Variants in RBFOX1 observed in about 807,000 individuals in gnomAD.
RBFOX1 encodes the protein RNA binding fox-1 homolog 1, also known as RNA binding protein fox-1 homolog 1.
In RBFOX1, 8 loss-of-function variants were observed where a neutral mutation model predicts 57.7. The observed-to-expected ratio is 0.14, with a 90% confidence interval of 0.08 to 0.25. RBFOX1 has a LOEUF of 0.25. RBFOX1 is among the 10% of genes least tolerant of loss of function. The pLI is 1.00. For missense variants in RBFOX1, 611 were observed against 548.5 expected, an observed-to-expected ratio of 1.11 and a Z score of -1.14; for synonymous variants, 326 against 222.4, an observed-to-expected ratio of 1.47 and a Z score of -4.15.
chr16:6,848,654 G>A (rs1023033058), intron 3 of RBFOX1, among the ~76,000 whole-genome samples: 1 of 151,878 alleles, frequency 6.6e-6, no homozygotes, highest in Non-Finnish European at 1.5e-5. Context: ...GGAAAGGAGG[G>A]AGGGAAAAAA....
chr16:6,233,225 G>A (rs187757466), intron 1 of RBFOX1, among the ~76,000 whole-genome samples: 219 of 152,262 alleles, frequency 1.4e-3, no homozygotes, highest in African/African-American at 5.1e-3. Flanking sequence ...ATTTCAGAGA[G>A]GCCCCTTTAG....
At chr16:5,953,749 C>G (rs985811751) in intron 4 of RBFOX1, among the ~76,000 whole-genome samples, 4 of 150,428 alleles carry the variant, frequency 2.7e-5, no homozygotes, top group Non-Finnish European at 4.4e-5. Flanking sequence ...TCTTCATCCA[C>G]TTGATTGATG....
At chr16:6,288,325 G>C (rs1051445900) in intron 1 of RBFOX1, among the ~76,000 whole-genome samples, 4 of 152,150 alleles carry the variant, frequency 2.6e-5, no homozygotes, top group Admixed American at 2.6e-4. Flanking sequence ...TAAAAGAATT[G>C]CTTAGGAGAT....
At chr16:6,955,659 C>T (rs979691294) in intron 3 of RBFOX1, among the ~76,000 whole-genome samples, 6 of 151,428 alleles carry the variant, frequency 4.0e-5, no homozygotes, top group South Asian at 2.1e-4. Flanking sequence ...TCTTTTGCTA[C>T]ACCACCACTT....
chr16:6,267,591 A>C (rs539827971), intron 1 of RBFOX1, among the ~76,000 whole-genome samples: 6 of 152,170 alleles, frequency 3.9e-5, no homozygotes, highest in Non-Finnish European at 7.4e-5. Context: ...TTTTACCATA[A>C]GTTTTTCTGA....
intron 4 of RBFOX1, among the ~76,000 whole-genome samples, chr16:7,468,503 G>A (rs542370423): frequency 5.7e-4 from 82 of 143,990 alleles, no homozygotes; most frequent in African/African-American, 2.0e-3. Flanking sequence ...ATAACCCATT[G>A]GAGTTTCCTT....
At chr16:5,694,845 G>A (rs543362686) in intron 3 of RBFOX1, among the ~76,000 whole-genome samples, 1 of 151,652 alleles carries the variant, frequency 6.6e-6, no homozygotes, top group Non-Finnish European at 1.5e-5. Context: ...GCGATGGGGA[G>A]ATGGTAGAAG....
At chr16:6,881,443 G>A (rs1287496833) in intron 3 of RBFOX1, among the ~76,000 whole-genome samples, 1 of 152,186 alleles carries the variant, frequency 6.6e-6, no homozygotes, top group Admixed American at 6.5e-5. Flanking sequence ...AGGGCTGTGA[G>A]CAAAGGGTCT....
At chr16:7,604,208 G>A (rs887917714) in intron 9 of RBFOX1, among the ~76,000 whole-genome samples, 1 of 152,134 alleles carries the variant, frequency 6.6e-6, no homozygotes, top group Non-Finnish European at 1.5e-5. Context: ...TTCATGAGTG[G>A]GGGGAGAAGA....
intron 4 of RBFOX1, chr16:7,332,807 A>G (rs2096715662): frequency 2.1e-6 from 3 of 1,404,920 alleles, no homozygotes; most frequent in Non-Finnish European, 2.8e-6. Flanking sequence ...TCGTCTGGGA[A>G]GAAAACTTTC....
chr16:5,830,973 C>T (rs868639009), intron 3 of RBFOX1, among the ~76,000 whole-genome samples: 10 of 152,140 alleles, frequency 6.6e-5, no homozygotes, highest in African/African-American at 1.7e-4. Context: ...CCTATCCCCC[C>T]CCAACTCTGT....
intron 4 of RBFOX1, among the ~76,000 whole-genome samples, chr16:6,007,967 CCTTAGGAGGTTGA>C (rs1567249792): frequency 1.3e-5 from 2 of 152,102 alleles, no homozygotes; most frequent in African/African-American, 4.8e-5. Context: ...AATCCCAACA[CCTTAGGAGGTTGA>C]CTTGGGCAGA....
chr16:7,621,916 C>T (rs769695678), intron 10 of RBFOX1, among the ~76,000 whole-genome samples: 1 of 152,196 alleles, frequency 6.6e-6, no homozygotes, highest in Non-Finnish European at 1.5e-5. Flanking sequence ...AGCAGCCATA[C>T]ACAAAAATGA....
chr16:7,158,985 A>G (rs977349259), intron 4 of RBFOX1, among the ~76,000 whole-genome samples: 1 of 152,044 alleles, frequency 6.6e-6, no homozygotes, highest in Non-Finnish European at 1.5e-5. Context: ...TTCCATCACC[A>G]CAAGGATCCC....
At chr16:6,830,653 A>C (rs1176419508) in intron 3 of RBFOX1, among the ~76,000 whole-genome samples, 3 of 152,192 alleles carry the variant, frequency 2.0e-5, no homozygotes, top group Admixed American at 6.6e-5. Flanking sequence ...AACAGCTCTT[A>C]CACAAAGACT....
intron 3 of RBFOX1, among the ~76,000 whole-genome samples, chr16:6,831,362 G>C (rs2092696965): frequency 6.6e-6 from 1 of 152,192 alleles, no homozygotes; most frequent in East Asian, 1.9e-4. Context: ...GTATTTTCTA[G>C]ATTTTACTGA....
chr16:5,913,377 A>C (rs1485847076), intron 4 of RBFOX1, among the ~76,000 whole-genome samples: 1 of 152,160 alleles, frequency 6.6e-6, no homozygotes, highest in East Asian at 1.9e-4. Context: ...GGGCCTAGTG[A>C]AAGGGGTTTG....
chr16:7,449,607 A>AG (rs1201264443), intron 4 of RBFOX1, among the ~76,000 whole-genome samples: 2 of 151,696 alleles, frequency 1.3e-5, no homozygotes, highest in African/African-American at 4.8e-5. Context: ...ATCTCTACTC[A>AG]ATTCAAGCCT....
At chr16:6,422,288 T>C (rs1445209066) in intron 2 of RBFOX1, among the ~76,000 whole-genome samples, 1 of 151,572 alleles carries the variant, frequency 6.6e-6, no homozygotes, top group Admixed American at 6.6e-5. Flanking sequence ...GGTGCAGGTT[T>C]GTTACATGGG....
Sources: allele counts gnomAD v4.1 joint callset (sites outside exome capture counted in the v4.1 genomes callset), GRCh38; gene constraint gnomAD v4.1.1; transcripts MANE v1.5; gene names NCBI Gene and HGNC (gene_info 2026-07-23, HGNC 2026-07-21).